The following ITGA8 variants were observed in gnomAD, a reference collection of about 807,000 sequenced individuals.
ITGA8 encodes the protein integrin alpha-8.
A neutral mutation model predicts 142.3 loss-of-function variants in ITGA8; 91 were observed. The observed-to-expected ratio is 0.64, with a 90% CI of 0.54 to 0.76. ITGA8 has a LOEUF of 0.76. Ranked by LOEUF, ITGA8 falls within the 30% of genes least tolerant of loss-of-function variation. The pLI, the probability that ITGA8 is intolerant of heterozygous loss-of-function variation, is 0.00. For missense variants in ITGA8, 1,406 were observed against 1,327.7 expected (o/e 1.06, Z -0.92); for synonymous variants, 505 against 485.2 (o/e 1.04, Z -0.54).
chr10:15,682,436 T>C (rs1244048621), intron 4 of ITGA8, among the ~76,000 whole-genome samples: 1 of 152,208 alleles, frequency 6.6e-6, no homozygotes, highest in African/African-American at 2.4e-5. Flanking sequence ...AAAATCCTTA[T>C]TCCATGGACT....
rs916294569 is a variant in ITGA8 at position 15,689,909 on chromosome 10, C to A, written c.344-1871G>T. On this transcript the variant is annotated intron_variant, in intron 2 of 29. Transcript: ENST00000378076. ...AGCTGAATCCAAACCCACAGAGGAG[C>A]TGCACCCCTTCGGCGCCAGAACCAA... Among the ~76,000 whole-genome samples, 2 of 152,298 alleles carry A rather than the reference C, an allele frequency of 1.3e-5. 1 individual carries two copies. Among genetic ancestry groups the A allele is most frequent in the South Asian group, 4.1e-4 (2 of 4,822 alleles).
chr10:15,560,006 A>G (rs4750674), intron 25 of ITGA8, among the ~76,000 whole-genome samples: 60,309 of 151,910 alleles, frequency 0.4, 12,646 homozygotes, highest in African/African-American at 0.53. Flanking sequence ...AGATATTATG[A>G]GCCAGGCTTA....
At chr10:15,649,980 A>G (rs1834056645) in intron 11 of ITGA8, among the ~76,000 whole-genome samples, 1 of 152,260 alleles carries the variant, frequency 6.6e-6, no homozygotes, top group Non-Finnish European at 1.5e-5. Context: ...TATACATACA[A>G]AAATATGCAC....
chr10:15,686,168 C>T (rs1001215310), intron 3 of ITGA8, among the ~76,000 whole-genome samples: 3 of 152,206 alleles, frequency 2.0e-5, no homozygotes, highest in African/African-American at 7.2e-5. Context: ...GCTTCCAAAT[C>T]TGTCCTTGGT....
chr10:15,556,468 G>T (rs1428032071), intron 26 of ITGA8, among the ~76,000 whole-genome samples: 2 of 152,138 alleles, frequency 1.3e-5, no homozygotes, highest in Admixed American at 1.3e-4. Context: ...TACGTGCTTG[G>T]TCTGTGCCCC....
intron 2 of ITGA8, among the ~76,000 whole-genome samples, chr10:15,688,869 A>T (rs1834881690): frequency 6.6e-6 from 1 of 152,246 alleles, no homozygotes; most frequent in Admixed American, 6.5e-5. Context: ...AAAGCCATAC[A>T]TCACAAGCCC....
intron 2 of ITGA8, among the ~76,000 whole-genome samples, chr10:15,709,751 T>C (rs1452722609): frequency 6.6e-6 from 1 of 152,198 alleles, no homozygotes; most frequent in Non-Finnish European, 1.5e-5. Context: ...CACAAACAGC[T>C]CTTGAAACTG....
chr10:15,718,875 G>A lies in ITGA8; in HGVS notation c.234C>T (p.Pro78=), dbSNP rs1288530695. 6.2e-7 allele frequency: 1 copy of A among 1,613,962 alleles called. No homozygotes were observed. The highest frequency in any genetic ancestry group is 1.3e-5 in the African/African-American group (1 of 74,924). The change falls in exon 2 of 30, where the codon CCC becomes CCT. Residue 78 remains proline (P), a synonymous_variant. Transcript: ENST00000378076. The part of the protein sequence containing the change: ...ARTASVLVGA[P]KANTSQPDIV... ...TATCGGGCTGGCTGGTGTTGGCTTT[G>A]GGCGCCCCCACCAAGACACTCGCTC...
chr10:15,519,366 A>T lies in ITGA8; in HGVS notation c.3029T>A (p.Ile1010Asn). ...IWATPNVSFS[I>N]PLWVIILAIL... ...TGCTAGTATTATTACCCATAATGGG[A>T]TTGAGAAGGAAACATTCGGAGTTGC... Residue 1010 changes from isoleucine to asparagine, a missense_variant, in exon 29 of 30, where the codon ATC becomes AAC. Coordinates refer to ENST00000378076, the MANE Select transcript of ITGA8 (RefSeq NM_003638.3). 2 of 1,613,762 alleles carry T rather than the reference A, an allele frequency of 1.2e-6. No homozygotes were observed. The highest frequency in any genetic ancestry group is 1.1e-5 in the South Asian group (1 of 91,066).
rs966798310 is a variant in ITGA8 at position 15,597,094 on chromosome 10, T to C, written c.2211+113A>G. 3 of 778,438 alleles carry C rather than the reference T, an allele frequency of 3.9e-6. No individual in the cohort carries two copies. The African/African-American group carries it at 5.1e-5, about 13-fold the overall frequency. 48.2% of individuals were successfully genotyped at this position (778,438 alleles called of 1,614,324 possible). ...CTACTCTGGCAATTTCCTGCCTAATTTGTTGTTGCTGCTAGGTGCTGAGTT... is the reference window on the plus strand; with the variant it reads ...CTACTCTGGCAATTTCCTGCCTAATCTGTTGTTGCTGCTAGGTGCTGAGTT... On this transcript the variant is annotated intron_variant, in intron 21 of 29. Transcript: ENST00000378076.
intron 27 of ITGA8, among the ~76,000 whole-genome samples, chr10:15,538,534 A>G (rs553737159): frequency 3.4e-5 from 5 of 146,614 alleles, no homozygotes; most frequent in East Asian, 3.9e-4. Context: ...AAAAAAAACT[A>G]TAGTTAAGAA....
intron 2 of ITGA8, among the ~76,000 whole-genome samples, chr10:15,690,749 G>A (rs537072669): frequency 2.0e-5 from 3 of 152,154 alleles, no homozygotes; most frequent in Admixed American, 1.3e-4. Flanking sequence ...CCACCACCGT[G>A]TCCACAAATC....
chr10:15,629,230 T>C (rs940028262), intron 13 of ITGA8, among the ~76,000 whole-genome samples: 3 of 152,020 alleles, frequency 2.0e-5, no homozygotes, highest in African/African-American at 7.3e-5. Context: ...TCTCCGTTTT[T>C]GGTTCCTGAA....
intron 2 of ITGA8, among the ~76,000 whole-genome samples, chr10:15,696,304 T>C (rs1396727122): frequency 6.6e-6 from 1 of 152,170 alleles, no homozygotes; most frequent in East Asian, 1.9e-4. Flanking sequence ...GCATACAATG[T>C]CAAGTTTTCT....
intron 12 of ITGA8, among the ~76,000 whole-genome samples, chr10:15,645,671 A>C (rs779224664): frequency 7.9e-5 from 12 of 152,218 alleles, no homozygotes; most frequent in Non-Finnish European, 1.6e-4. Flanking sequence ...TCTGATGTGA[A>C]TACTTCCAAG....
intron 2 of ITGA8, among the ~76,000 whole-genome samples, chr10:15,716,504 A>G (rs1564422477): frequency 6.6e-6 from 1 of 152,090 alleles, no homozygotes; most frequent in Non-Finnish European, 1.5e-5. Context: ...TTTGTCCCCT[A>G]CTGTTTTACT....
At chr10:15,555,118 A>G (rs1394782531) in intron 26 of ITGA8, among the ~76,000 whole-genome samples, 1 of 152,222 alleles carries the variant, frequency 6.6e-6, no homozygotes, top group Non-Finnish European at 1.5e-5. Context: ...TGTCATAAAA[A>G]ATGGCTGATT....
intron 12 of ITGA8, among the ~76,000 whole-genome samples, chr10:15,645,262 T>G (rs1382618897): frequency 2.0e-5 from 3 of 152,164 alleles, no homozygotes; most frequent in Admixed American, 1.3e-4. Context: ...GAATTTCACA[T>G]GATTTTACCT....
chr10:15,659,141 T>G, intron 9 of ITGA8, 86 bp from the exon 10 acceptor site: 2 of 897,056 alleles, frequency 2.2e-6, no homozygotes, highest in Non-Finnish European at 3.4e-6. Flanking sequence ...TCATTTAAAA[T>G]TTTTTGTAAA....
Sources: gnomAD v4.1 joint callset for allele counts (sites outside exome capture counted in the v4.1 genomes callset) on GRCh38, gnomAD v4.1.1 for gene constraint, MANE v1.5 for transcripts, NCBI Gene and HGNC (gene_info 2026-07-23, HGNC 2026-07-21) for gene names.